The following CFAP263 variants were observed in gnomAD, a reference collection of about 807,000 sequenced individuals.
CFAP263 encodes cilia and flagella associated protein 263.
At chr16:58,280,101 C>A in the CFAP263 span, 1 of 974,656 alleles carries the variant, frequency 1.0e-6, no homozygotes, top group Non-Finnish European at 1.5e-6. Context: ...CAGTGTATGC[C>A]ATGGGCTTAT....
chr16:58,251,653 A>C, the CFAP263 span, among the ~76,000 whole-genome samples: 2 of 152,130 alleles, frequency 1.3e-5, no homozygotes, highest in Non-Finnish European at 2.9e-5. Context: ...CGGCTTCCCA[A>C]AGTGCTGGGA....
At chr16:58,274,766 A>G in the CFAP263 span, among the ~76,000 whole-genome samples, 6 of 152,202 alleles carry the variant, frequency 3.9e-5, no homozygotes, top group Non-Finnish European at 7.3e-5. Context: ...GTAATTCTTT[A>G]TAGCAGTGTG....
At chr16:58,279,856 C>T in the CFAP263 span, 1 of 1,149,602 alleles carries the variant, frequency 8.7e-7, no homozygotes, top group Non-Finnish European at 1.3e-6. Flanking sequence ...GGGCTCCTCT[C>T]ACTGTTCCCT....
At chr16:58,259,773 C>G in the CFAP263 span, 1 of 888,578 alleles carries the variant, frequency 1.1e-6, no homozygotes, top group Non-Finnish European at 1.8e-6. Flanking sequence ...GTTTGCAGCC[C>G]CAGAACCATC....
the CFAP263 span, chr16:58,252,921 T>A: frequency 1.5e-5 from 23 of 1,548,900 alleles, no homozygotes; most frequent in East Asian, 3.4e-4. Flanking sequence ...TATTTGTTTA[T>A]CTGCCTTTGG....
chr16:58,273,965 G>A, the CFAP263 span, among the ~76,000 whole-genome samples: 3 of 152,102 alleles, frequency 2.0e-5, no homozygotes. Flanking sequence ...TGACGACCAG[G>A]GATAATTGTT....
the CFAP263 span, among the ~76,000 whole-genome samples, chr16:58,277,051 A>G: frequency 6.6e-6 from 1 of 152,238 alleles, no homozygotes; most frequent in Non-Finnish European, 1.5e-5. Flanking sequence ...AGCTTGCCAC[A>G]GTGTACCATT....
the CFAP263 span, among the ~76,000 whole-genome samples, chr16:58,277,067 T>A: frequency 6.6e-6 from 1 of 152,316 alleles, no homozygotes; most frequent in South Asian, 2.1e-4. Flanking sequence ...CCATTTGAAC[T>A]GAATGTATTG....
chr16:58,254,073 G>C, the CFAP263 span: 2 of 1,614,178 alleles, frequency 1.2e-6, no homozygotes, highest in East Asian at 2.2e-5. Context: ...CCAAAAACTT[G>C]AGCTGGTACA....
chr16:58,266,828 G>T, the CFAP263 span, among the ~76,000 whole-genome samples: 1 of 152,186 alleles, frequency 6.6e-6, no homozygotes, highest in African/African-American at 2.4e-5. Context: ...AATCTGCAAG[G>T]CTGTGCTCCT....
At chr16:58,260,211 A>C in the CFAP263 span, among the ~76,000 whole-genome samples, 1 of 152,274 alleles carries the variant, frequency 6.6e-6, no homozygotes, top group African/African-American at 2.4e-5. Flanking sequence ...AGAAGCAGAG[A>C]TCAGAGTGAT....
chr16:58,258,261 CATA>C, the CFAP263 span: 1 of 895,954 alleles, frequency 1.1e-6, no homozygotes, highest in African/African-American at 1.7e-5. Context: ...TAAGAAGAAA[CATA>C]ATATTTTGGG....
the CFAP263 span, chr16:58,280,186 CT>C: frequency 1.9e-6 from 3 of 1,564,050 alleles, no homozygotes; most frequent in Non-Finnish European, 2.6e-6. Context: ...ACTCAGCATT[CT>C]CAGTTTACTC....
chr16:58,262,514 ACT>A, the CFAP263 span: 1 of 1,609,750 alleles, frequency 6.2e-7, no homozygotes, highest in Non-Finnish European at 8.5e-7. Flanking sequence ...ATCTGGAAAC[ACT>A]CTGCAGGTTC....
chr16:58,282,521 A>G, the CFAP263 span: 1 of 152,340 alleles, frequency 6.6e-6, no homozygotes, highest in Admixed American at 6.5e-5. Flanking sequence ...CATGGGAGCA[A>G]CTCCGTGGGC....
chr16:58,277,792 G>A, the CFAP263 span, among the ~76,000 whole-genome samples: 3 of 152,174 alleles, frequency 2.0e-5, no homozygotes, highest in African/African-American at 7.2e-5. Context: ...GGAAACTCAA[G>A]GACATTATGC....
At chr16:58,252,968 C>A in the CFAP263 span, 2 of 1,008,138 alleles carry the variant, frequency 2.0e-6, no homozygotes, top group South Asian at 1.5e-5. Flanking sequence ...GGGACCTTCT[C>A]CCTGTTTTAC....
At chr16:58,267,461 T>C in the CFAP263 span, 6 of 1,549,286 alleles carry the variant, frequency 3.9e-6, no homozygotes, top group Non-Finnish European at 4.5e-6. Flanking sequence ...CAAGACTTGC[T>C]GTGTTGTTAT....
chr16:58,278,620 A>G, the CFAP263 span: 13 of 1,614,184 alleles, frequency 8.1e-6, no homozygotes, highest in Non-Finnish European at 1.1e-5. Context: ...GTGGGAAAGG[A>G]AAGTGGAGAT....
Sources: gnomAD v4.1 joint callset for allele counts (sites outside exome capture counted in the v4.1 genomes callset) on GRCh38, gnomAD v4.1.1 for gene constraint, MANE v1.5 for transcripts, NCBI Gene and HGNC (gene_info 2026-07-23, HGNC 2026-07-21) for gene names.